The following MFAP3L variants were observed in gnomAD, a reference collection of about 807,000 sequenced individuals.
MFAP3L encodes microfibril associated protein 3 like.
A neutral mutation model predicts 20.0 loss-of-function variants in MFAP3L; 5 were observed. That is an observed-to-expected ratio of 0.25 (90% confidence interval 0.13 to 0.53). The LOEUF (loss-of-function observed/expected upper bound fraction) is 0.53. MFAP3L is among the 20% of genes least tolerant of loss of function. The probability of loss-of-function intolerance (pLI) is 0.96; values close to 1 mark genes in which losing one functional copy is unlikely to be tolerated. For synonymous variants in MFAP3L, 219 were observed against 213.0 expected (o/e 1.03, Z -0.25); for missense variants, 409 against 527.5 (o/e 0.78, Z 2.20).
rs1188083610 is a variant in MFAP3L, at chr4:170,005,599, A to G, written c.279T>C (p.Asp93=). 1.2e-6 allele frequency: 2 copies of G among 1,613,930 alleles called. No homozygotes were observed. The highest frequency in any genetic ancestry group is 1.7e-6 in the Non-Finnish European group (2 of 1,179,996). The part of the protein sequence containing the change: ...SIGKLLKEEE[D]EKERGGGKWQ... Reference sequence around the variant, plus strand: ...GCCTACCTCCTCCTCTCTCCTTCTCATCCTCTTCTTCTTTCAGCAGCTTGC... The same window carrying G: ...GCCTACCTCCTCCTCTCTCCTTCTCGTCCTCTTCTTCTTTCAGCAGCTTGC... Residue 93 remains aspartate, a synonymous_variant, in exon 2 of 3, where the codon GAT becomes GAC. Transcript: ENST00000361618.
At chr4:170,003,684 T>A (rs750916524) in intron 2 of MFAP3L, 3 of 985,438 alleles carry the variant, frequency 3.0e-6, no homozygotes, top group Non-Finnish European at 3.6e-6. Flanking sequence ...TGCTTTAGGG[T>A]CCATGTAAAA....
chr4:169,995,036 T>C (rs1738035702), intron 2 of MFAP3L: 1 of 152,240 alleles, frequency 6.6e-6, no homozygotes, highest in East Asian at 1.9e-4. Flanking sequence ...AGCAATTTCC[T>C]GTTTCCAATG....
At chr4:170,014,751 C>T (rs1220168600) in intron 1 of MFAP3L, among the ~76,000 whole-genome samples, 2 of 152,228 alleles carry the variant, frequency 1.3e-5, no homozygotes, top group Non-Finnish European at 1.5e-5. Context: ...TTCTCAATTC[C>T]TACCTCTCCC....
At chr4:170,024,070 C>A (rs1278532998) in intron 1 of MFAP3L, among the ~76,000 whole-genome samples, 1 of 152,136 alleles carries the variant, frequency 6.6e-6, no homozygotes, top group Non-Finnish European at 1.5e-5. Flanking sequence ...TAGTTAACTA[C>A]AAAAGAGAAG....
At chr4:170,004,808 C>G (rs1309673494) in intron 2 of MFAP3L, among the ~76,000 whole-genome samples, 1 of 152,090 alleles carries the variant, frequency 6.6e-6, no homozygotes, top group Non-Finnish European at 1.5e-5. Context: ...ACTCCCCCAC[C>G]CCAACCCCTC....
chr4:170,009,634 G>A (rs1446220425), intron 1 of MFAP3L, among the ~76,000 whole-genome samples: 1 of 152,094 alleles, frequency 6.6e-6, no homozygotes, highest in African/African-American at 2.4e-5. Flanking sequence ...TAATCTTTGG[G>A]AAAACTTTGA....
chr4:169,987,586 G>A lies in MFAP3L; in HGVS notation c.*3792C>T, dbSNP rs957064132. 1 of 152,144 alleles carries A rather than the reference G, an allele frequency of 6.6e-6. No individual in the cohort carries two copies. Among genetic ancestry groups the A allele is most frequent in the African/African-American group, 2.4e-5 (1 of 41,426 alleles). The allele number at this position is 152,144 out of a possible 1,614,324, so 9.4% of individuals were successfully genotyped here. On this transcript the variant is annotated 3_prime_UTR_variant, in exon 3 of 3. Transcript: ENST00000361618. ...TCCTAGGGCAGAATAAAAGGTATCT[G>A]GTTTGCCTTTCTAAACCATTTCTTC...
chr4:170,006,656 T>C (rs1218235403), intron 1 of MFAP3L: 2 of 152,216 alleles, frequency 1.3e-5, no homozygotes, highest in Admixed American at 6.5e-5. Context: ...GAGGACCTAA[T>C]TGTTCACCTG....
At chr4:170,013,231 T>TA (rs1017581299) in intron 1 of MFAP3L, among the ~76,000 whole-genome samples, 2 of 152,158 alleles carry the variant, frequency 1.3e-5, no homozygotes, top group Non-Finnish European at 2.9e-5. Context: ...ATCATTATTT[T>TA]AAAAAATCAC....
intron 2 of MFAP3L, chr4:170,005,155 G>A (rs1020787910): frequency 2.3e-5 from 4 of 173,922 alleles, no homozygotes; most frequent in African/African-American, 7.1e-5. Context: ...TCTTTCAGAA[G>A]TGTGGTCTTT....
chr4:170,022,534 G>A (rs1042788028), intron 1 of MFAP3L, among the ~76,000 whole-genome samples: 3 of 152,130 alleles, frequency 2.0e-5, no homozygotes, highest in African/African-American at 7.2e-5. Context: ...GGCTGTATTT[G>A]CTTTCCATGG....
Position 169,989,733 on chromosome 4 carries a change from A to C in MFAP3L, c.*1645T>G, listed in dbSNP as rs1200599917. The stretch of plus-strand genomic sequence containing the variant: ...ATGCAATCTTGGACATCATAACCCC[A>C]TTACCTGATGTGGCCACGGCCCCTA... On this transcript the variant is annotated 3_prime_UTR_variant, in exon 3 of 3. Transcript: ENST00000361618. The C allele has an allele frequency of 6.6e-6, 1 of 152,184 alleles. No homozygotes were observed. The highest frequency in any genetic ancestry group is 1.9e-4 in the East Asian group (1 of 5,196). 9.4% of individuals were successfully genotyped at this position (152,184 alleles called of 1,614,324 possible).
At chr4:170,022,454 A>C (rs1175477826) in intron 1 of MFAP3L, among the ~76,000 whole-genome samples, 2 of 152,172 alleles carry the variant, frequency 1.3e-5, no homozygotes, top group Non-Finnish European at 2.9e-5. Flanking sequence ...ATCACAGTAA[A>C]AGGACCACTT....
In MFAP3L at chr4:169,988,238, T is replaced by C. The variant is rs1016220683; in HGVS notation, c.*3140A>G. On this transcript the variant is annotated 3_prime_UTR_variant, in exon 3 of 3. Coordinates refer to ENST00000361618, the MANE Select transcript of MFAP3L (RefSeq NM_021647.8). ...TGAGGATAGATGTGCCCTAGAGATA[T>C]GAAAATATAATATATAAAACAAAAC... 3.9e-5 allele frequency: 6 copies of C among 152,158 alleles called. No individual in the cohort carries two copies. The highest frequency in any genetic ancestry group is 1.3e-4 in the Admixed American group (2 of 15,270). The allele number at this position is 152,158 out of a possible 1,614,324, so 9.4% of individuals were successfully genotyped here.
chr4:170,001,994 C>T (rs781307735), intron 2 of MFAP3L: 39 of 985,316 alleles, frequency 4.0e-5, no homozygotes, highest in Non-Finnish European at 4.7e-5. Context: ...CATGAAATTG[C>T]TCCTTTCCAG....
In MFAP3L at chr4:169,988,515, A is replaced by G. The variant is rs1024094084; in HGVS notation, c.*2863T>C. On this transcript the variant is annotated 3_prime_UTR_variant, in exon 3 of 3. Coordinates refer to ENST00000361618, the MANE Select transcript of MFAP3L (RefSeq NM_021647.8). Reference sequence around the variant, plus strand: ...AGTGTGAAGCTTTTAAAACTGCCCAAATGAGTCCAATGTGCACGAGTGTGT... The same window carrying G: ...AGTGTGAAGCTTTTAAAACTGCCCAGATGAGTCCAATGTGCACGAGTGTGT... The G allele has an allele frequency of 6.6e-6, 1 of 152,182 alleles. No individual in the cohort carries two copies. The highest frequency in any genetic ancestry group is 6.5e-5 in the Admixed American group (1 of 15,286). The allele number at this position is 152,182 out of a possible 1,614,324, so 9.4% of individuals were successfully genotyped here.
chr4:170,011,691 C>A (rs1321908913), intron 1 of MFAP3L, among the ~76,000 whole-genome samples: 1 of 152,108 alleles, frequency 6.6e-6, no homozygotes, highest in Non-Finnish European at 1.5e-5. Context: ...ACTCTCCCCT[C>A]TTGTCAGAAT....
intron 2 of MFAP3L, among the ~76,000 whole-genome samples, chr4:170,003,315 G>A (rs1018410200): frequency 3.9e-5 from 6 of 152,090 alleles, no homozygotes; most frequent in Non-Finnish European, 4.4e-5. Flanking sequence ...TTTGACTGGC[G>A]GCCACTAGCT....
intron 2 of MFAP3L, among the ~76,000 whole-genome samples, chr4:170,001,026 A>G (rs755801560): frequency 1.3e-5 from 2 of 152,190 alleles, no homozygotes; most frequent in Non-Finnish European, 2.9e-5. Flanking sequence ...CATGGCCTTG[A>G]TGAGTGTTTT....
Sources: gnomAD v4.1 joint callset for allele counts (sites outside exome capture counted in the v4.1 genomes callset) on GRCh38, gnomAD v4.1.1 for gene constraint, MANE v1.5 for transcripts, NCBI Gene and HGNC (gene_info 2026-07-23, HGNC 2026-07-21) for gene names.